Variants in SGCZ observed in about 807,000 individuals in gnomAD.
SGCZ encodes the protein zeta-sarcoglycan.
In SGCZ, 40 loss-of-function variants were observed where a neutral mutation model predicts 41.3. The ratio of observed to expected loss-of-function variants is 0.97; its 90% CI spans 0.75 to 1.26. SGCZ has a LOEUF of 1.26. Ranked by LOEUF, SGCZ falls within the 50% of genes most tolerant of loss-of-function variation. The probability of loss-of-function intolerance (pLI) is 0.00; values close to 1 mark genes in which losing one functional copy is unlikely to be tolerated. For missense variants in SGCZ, 552 were observed against 369.8 expected (o/e 1.49, Z -4.04); for synonymous variants, 206 against 137.5 (o/e 1.50, Z -3.49).
At chr8:14,351,082 G>A (rs1290065979) in intron 2 of SGCZ, among the ~76,000 whole-genome samples, 3 of 152,056 alleles carry the variant, frequency 2.0e-5, no homozygotes, top group East Asian at 3.9e-4. Context: ...ATTTTGTTTA[G>A]GTATGTATAA....
chr8:15,190,964 G>C (rs1800517598), intron 1 of SGCZ, among the ~76,000 whole-genome samples: 1 of 151,900 alleles, frequency 6.6e-6, no homozygotes, highest in Non-Finnish European at 1.5e-5. Flanking sequence ...ACTATCTATG[G>C]ATTCAGGTGT....
chr8:14,426,548 G>C (rs1301696744), intron 2 of SGCZ, among the ~76,000 whole-genome samples: 2 of 152,122 alleles, frequency 1.3e-5, no homozygotes, highest in African/African-American at 2.4e-5. Context: ...AATGACGACA[G>C]AGATGAAAGC....
intron 1 of SGCZ, among the ~76,000 whole-genome samples, chr8:14,722,203 C>A (rs1809909348): frequency 6.6e-6 from 1 of 152,112 alleles, no homozygotes. Context: ...TAGAATTAAA[C>A]CACATGAGGG....
rs528078647 is a variant in SGCZ at position 14,375,256 on chromosome 8, C to T, written c.235-51052G>A. 5.8e-4 allele frequency among the ~76,000 whole-genome samples: 88 copies of T among 152,180 alleles called. 2 individuals carry two copies. Among genetic ancestry groups the T allele is most frequent in the Middle Eastern group, 3.4e-3 (1 of 294 alleles). On this transcript the variant is annotated intron_variant, in intron 2 of 7. Coordinates refer to ENST00000382080, the MANE Select transcript of SGCZ (RefSeq NM_139167.4). The stretch of plus-strand genomic sequence containing the variant: ...TATAACAGTTGTGCACTGAATAATA[C>T]GGTAGCTGTTTTTAAAGCAAGAAAC...
At chr8:14,582,472 G>A (rs1394006590) in intron 1 of SGCZ, among the ~76,000 whole-genome samples, 1 of 151,918 alleles carries the variant, frequency 6.6e-6, no homozygotes, top group Non-Finnish European at 1.5e-5. Flanking sequence ...TTATAAATCA[G>A]CTAAACTTCT....
chr8:14,158,380 C>G (rs1037615344), intron 5 of SGCZ, among the ~76,000 whole-genome samples: 1 of 151,986 alleles, frequency 6.6e-6, no homozygotes, highest in South Asian at 2.1e-4. Context: ...CCGGGTAATG[C>G]GATCTCCACA....
intron 1 of SGCZ, among the ~76,000 whole-genome samples, chr8:14,750,810 T>C: frequency 6.6e-6 from 1 of 152,202 alleles, no homozygotes; most frequent in East Asian, 1.9e-4. Flanking sequence ...CAAAATAGTT[T>C]TGCGAAATGC....
intron 2 of SGCZ, among the ~76,000 whole-genome samples, chr8:14,343,218 G>A (rs979492744): frequency 6.6e-6 from 1 of 152,238 alleles, no homozygotes; most frequent in Non-Finnish European, 1.5e-5. Context: ...ACCTCTGCTA[G>A]TGCAGTCCAG....
At chr8:15,001,086 A>G (rs1802401664) in intron 1 of SGCZ, among the ~76,000 whole-genome samples, 1 of 152,222 alleles carries the variant, frequency 6.6e-6, no homozygotes, top group African/African-American at 2.4e-5. Flanking sequence ...GCTCAGTGAC[A>G]GAAGAACAAC....
intron 6 of SGCZ, among the ~76,000 whole-genome samples, chr8:14,107,324 A>G (rs1350470788): frequency 6.6e-6 from 1 of 152,034 alleles, no homozygotes; most frequent in Non-Finnish European, 1.5e-5. Context: ...GGTAATAATT[A>G]TCCTGGGAAG....
intron 1 of SGCZ, among the ~76,000 whole-genome samples, chr8:14,822,372 T>C (rs1029487157): frequency 3.9e-5 from 6 of 152,152 alleles, no homozygotes; most frequent in African/African-American, 1.4e-4. Context: ...TCCACATTCA[T>C]GAACTGGAAG....
chr8:14,659,028 C>A (rs967645280), intron 1 of SGCZ, among the ~76,000 whole-genome samples: 6 of 152,032 alleles, frequency 3.9e-5, no homozygotes, highest in African/African-American at 1.4e-4. Context: ...GTGAAAAAAA[C>A]TATGAGCTCA....
chr8:14,598,495 A>G (rs1805486373), intron 1 of SGCZ, among the ~76,000 whole-genome samples: 1 of 151,720 alleles, frequency 6.6e-6, no homozygotes, highest in African/African-American at 2.4e-5. Flanking sequence ...CTCTCTCTAT[A>G]TATATACACA....
At chr8:14,471,142 G>A (rs1259733333) in intron 2 of SGCZ, among the ~76,000 whole-genome samples, 1 of 151,792 alleles carries the variant, frequency 6.6e-6, no homozygotes, top group Non-Finnish European at 1.5e-5. Context: ...TTATAACTTG[G>A]GCTTTCTTCC....
intron 2 of SGCZ, among the ~76,000 whole-genome samples, chr8:14,327,856 C>T (rs1802177895): frequency 6.6e-6 from 1 of 152,180 alleles, no homozygotes; most frequent in Non-Finnish European, 1.5e-5. Flanking sequence ...TCTTGGCTCA[C>T]TGCAACCTCC....
At chr8:14,776,265 G>A (rs1465386677) in intron 1 of SGCZ, among the ~76,000 whole-genome samples, 1 of 152,094 alleles carries the variant, frequency 6.6e-6, no homozygotes, top group African/African-American at 2.4e-5. Flanking sequence ...TGGAGAATAA[G>A]TGAATCATGG....
chr8:14,447,875 A>G (rs896852126), intron 2 of SGCZ, among the ~76,000 whole-genome samples: 2 of 152,174 alleles, frequency 1.3e-5, no homozygotes, highest in African/African-American at 4.8e-5. Context: ...GTTCATTCAG[A>G]CAAAATCACA....
intron 3 of SGCZ, among the ~76,000 whole-genome samples, chr8:14,292,854 G>A (rs1800887198): frequency 6.6e-6 from 1 of 151,840 alleles, no homozygotes; most frequent in African/African-American, 2.4e-5. Flanking sequence ...TAATCCCTCT[G>A]TCTCTATATA....
chr8:14,230,168 C>A (rs748080218), intron 4 of SGCZ, among the ~76,000 whole-genome samples: 4 of 152,028 alleles, frequency 2.6e-5, no homozygotes, highest in Non-Finnish European at 5.9e-5. Flanking sequence ...TCAACTGACT[C>A]CCTTCTCCAA....
Sources: allele counts gnomAD v4.1 joint callset (sites outside exome capture counted in the v4.1 genomes callset), GRCh38; gene constraint gnomAD v4.1.1; transcripts MANE v1.5; gene names NCBI Gene and HGNC (gene_info 2026-07-23, HGNC 2026-07-21).